Variants in ANO10 observed in about 807,000 individuals in gnomAD.
The protein encoded by ANO10 is anoctamin 10, also known as anoctamin-10.
ANO10 carries 77 observed loss-of-function variants against 74.7 expected under a neutral mutation model. That is an observed-to-expected ratio of 1.03 (90% CI 0.86 to 1.25). The LOEUF (loss-of-function observed/expected upper bound fraction) is 1.25. Ranked by LOEUF, ANO10 falls within the 50% of genes most tolerant of loss-of-function variation. ANO10 has a pLI of 0.00. For missense variants in ANO10, 721 were observed against 778.1 expected, an observed-to-expected ratio of 0.93 and a Z score of 0.87; for synonymous variants, 279 against 284.9, an observed-to-expected ratio of 0.98 and a Z score of 0.21.
chr3:43,683,145 C>G (rs2084224247), intron 1 of ANO10, among the ~76,000 whole-genome samples: 2 of 152,184 alleles, frequency 1.3e-5, no homozygotes, highest in African/African-American at 2.4e-5. Context: ...CTAATTGTCC[C>G]TGTTTGCAGA....
At chr3:43,402,491 G>A (rs2092500311) in intron 12 of ANO10, among the ~76,000 whole-genome samples, 1 of 152,072 alleles carries the variant, frequency 6.6e-6, no homozygotes, top group African/African-American at 2.4e-5. Context: ...AGGGCTCCAG[G>A]GTGATCTGGC....
intron 11 of ANO10, among the ~76,000 whole-genome samples, chr3:43,528,311 A>G (rs1489272772): frequency 6.6e-6 from 1 of 152,196 alleles, no homozygotes; most frequent in Non-Finnish European, 1.5e-5. Flanking sequence ...AACAACATGA[A>G]AGCAAACAAA....
chr3:43,618,335 C>T (rs1273832065), intron 1 of ANO10, among the ~76,000 whole-genome samples: 2 of 152,186 alleles, frequency 1.3e-5, no homozygotes, highest in Non-Finnish European at 2.9e-5. Flanking sequence ...CCTCTGCACA[C>T]AATCACTCAA....
At chr3:43,688,486 A>G (rs1369510150) in intron 1 of ANO10, among the ~76,000 whole-genome samples, 2 of 152,202 alleles carry the variant, frequency 1.3e-5, no homozygotes, top group East Asian at 3.9e-4. Flanking sequence ...AAGGCCTCCA[A>G]GTTTTCTACT....
In ANO10 at chr3:43,549,802, G is replaced by A. The variant is rs759026322; in HGVS notation, c.1715C>T (p.Ala572Val). 35 of 1,613,702 alleles carry A rather than the reference G, an allele frequency of 2.2e-5. No homozygotes were observed. Among genetic ancestry groups the A allele is most frequent in the Admixed American group, 1.0e-4 (6 of 59,984 alleles). The change falls in exon 11 of 13, where the codon GCG (alanine) becomes GTG (valine). Residue 572 changes from alanine to valine, a missense_variant. Coordinates refer to ENST00000292246, the MANE Select transcript of ANO10 (RefSeq NM_018075.5). The part of the protein sequence containing the change: ...MSVISVVTNC[A>V]LIGMSPQVNA... ...CACTTGTGGTGACATTCCAATCAGCGCACAGTTAGTGACCACAGATATAAC... is the reference window on the plus strand; with the variant it reads ...CACTTGTGGTGACATTCCAATCAGCACACAGTTAGTGACCACAGATATAAC...
chr3:43,555,374 T>A lies in ANO10; in HGVS notation c.1572A>T (p.Leu524Phe). 1 of 1,614,180 alleles carries A rather than the reference T, an allele frequency of 6.2e-7. No homozygotes were observed. The highest frequency in any genetic ancestry group is 1.3e-5 in the African/African-American group (1 of 75,066). Residue 524 changes from leucine to phenylalanine, a missense_variant, in exon 10 of 13, where the codon TTA becomes TTT. Physicochemically the swap from Leu to Phe is conservative, Grantham distance 22 (BLOSUM62 0). Coordinates refer to ENST00000292246, the MANE Select transcript of ANO10 (RefSeq NM_018075.5). The stretch of plus-strand genomic sequence containing the variant: ...CTGAATTTACTTCAGTGAAGTTATT[T>A]AACACAGCAAAGGCAGCTGCTAATG... ...VYPLAAAFAVLNNFTEVNSDA... is the reference protein window; with the variant it reads ...VYPLAAAFAVFNNFTEVNSDA...
chr3:43,577,646 C>T (rs894599812), intron 5 of ANO10, among the ~76,000 whole-genome samples: 2 of 152,156 alleles, frequency 1.3e-5, no homozygotes, highest in South Asian at 2.1e-4. Context: ...ATTTATGCTC[C>T]CCACTTTTCT....
intron 10 of ANO10, among the ~76,000 whole-genome samples, chr3:43,554,053 C>G (rs1046024930): frequency 1.3e-5 from 2 of 151,998 alleles, no homozygotes; most frequent in Non-Finnish European, 2.9e-5. Flanking sequence ...CTCATTGAAA[C>G]TTTTATATAA....
At chr3:43,470,292 A>G (rs2149052749) in intron 11 of ANO10, among the ~76,000 whole-genome samples, 1 of 152,354 alleles carries the variant, frequency 6.6e-6, no homozygotes, top group Non-Finnish European at 1.5e-5. Flanking sequence ...AGAGACAGTG[A>G]AAAGATCAGA....
intron 11 of ANO10, among the ~76,000 whole-genome samples, chr3:43,499,065 C>A (rs2077010936): frequency 6.6e-6 from 1 of 152,146 alleles, no homozygotes; most frequent in African/African-American, 2.4e-5. Context: ...TGAGCCTTCT[C>A]CACCACAGTT....
intron 11 of ANO10, among the ~76,000 whole-genome samples, chr3:43,486,147 C>A (rs1314745861): frequency 6.6e-6 from 1 of 152,180 alleles, no homozygotes; most frequent in East Asian, 1.9e-4. Context: ...TTGAGTCTGA[C>A]ACCTTTACAA....
At chr3:43,466,058 T>A (rs923312857) in intron 11 of ANO10, among the ~76,000 whole-genome samples, 82 of 152,090 alleles carry the variant, frequency 5.4e-4, no homozygotes, top group African/African-American at 1.9e-3. Flanking sequence ...ACTAACACTA[T>A]CTGACATGAA....
At chr3:43,667,720 AC>A (rs371722442) in intron 1 of ANO10, among the ~76,000 whole-genome samples, 42 of 152,248 alleles carry the variant, frequency 2.8e-4, no homozygotes, top group South Asian at 2.7e-3. Flanking sequence ...GAGTTACTTC[AC>A]TTAAAATTAT....
upstream of ANO10, among the ~76,000 whole-genome samples, chr3:43,622,862 G>A (rs1559795165): frequency 6.6e-6 from 1 of 151,974 alleles, no homozygotes; most frequent in African/African-American, 2.4e-5. Context: ...CACACTTTTT[G>A]ACTTTTTGTT....
intron 1 of ANO10, among the ~76,000 whole-genome samples, chr3:43,681,574 G>A (rs933867870): frequency 2.6e-5 from 4 of 152,052 alleles, no homozygotes; most frequent in Non-Finnish European, 2.9e-5. Context: ...TGCACCAAGC[G>A]AACCTAATAG....
intron 4 of ANO10, among the ~76,000 whole-genome samples, chr3:43,587,478 A>G (rs927036924): frequency 6.6e-5 from 10 of 152,248 alleles, no homozygotes; most frequent in Admixed American, 2.0e-4. Context: ...AAGGCCCCAC[A>G]CCAAGTGGGA....
intron 9 of ANO10, among the ~76,000 whole-genome samples, chr3:43,556,454 T>C (rs2079754692): frequency 3.3e-5 from 5 of 152,128 alleles, no homozygotes; most frequent in African/African-American, 1.2e-4. Context: ...CACTCTGTGT[T>C]TCCCCACACT....
intron 11 of ANO10, among the ~76,000 whole-genome samples, chr3:43,535,000 G>A (rs1286768723): frequency 6.7e-6 from 1 of 149,876 alleles, no homozygotes; most frequent in African/African-American, 2.5e-5. Flanking sequence ...TTGAGACAGA[G>A]TCTTATTCTG....
intron 12 of ANO10, among the ~76,000 whole-genome samples, chr3:43,402,817 G>A (rs761258771): frequency 6.6e-5 from 10 of 152,162 alleles, no homozygotes; most frequent in Admixed American, 2.0e-4. Context: ...CTGAACAGTA[G>A]ACCACTGAAG....
Sources: allele counts gnomAD v4.1 joint callset (sites outside exome capture counted in the v4.1 genomes callset), GRCh38; gene constraint gnomAD v4.1.1; transcripts MANE v1.5; gene names NCBI Gene and HGNC (gene_info 2026-07-23, HGNC 2026-07-21).